Variants in SURF4 observed in about 807,000 individuals in gnomAD.
SURF4 encodes surfeit 4, also known as surfeit locus protein 4.
In SURF4, 3 loss-of-function variants were observed where a neutral mutation model predicts 30.0. That is an observed-to-expected ratio of 0.10 (90% CI 0.05 to 0.26). The LOEUF (loss-of-function observed/expected upper bound fraction) is 0.26, where lower values mean the gene tolerates loss of function less well. Among genes scored for constraint, SURF4 ranks in the 10% least tolerant of loss-of-function variants. The pLI is 1.00. For synonymous variants in SURF4, 143 were observed against 139.9 expected (o/e 1.02, Z -0.16); for missense variants, 217 against 350.8 (o/e 0.62, Z 3.05).
rs71824689 is a variant in SURF4 at position 133,373,909 on chromosome 9, C to CAAAAAAAAAAAAAAAAAAA, written c.48+1994_48+2012dup. ...CTCCAGCCTGAGCGAAATTCTGTCT[C>CAAAAAAAAAAAAAAAAAAA]AAAAAAAAAAAAAAAAAAAAAAAAA... On this transcript the variant is annotated intron_variant, in intron 1 of 5. Transcript: ENST00000371989. 8.8e-4 allele frequency among the ~76,000 whole-genome samples: 42 copies of CAAAAAAAAAAAAAAAAAAA among 47,542 alleles called. 1 individual carries two copies. Among genetic ancestry groups the CAAAAAAAAAAAAAAAAAAA allele is most frequent in the Non-Finnish European group, 1.4e-3 (29 of 20,634 alleles). The allele number at this position is 47,542 out of a possible 152,430, so 31.2% of individuals were successfully genotyped here.
chr9:133,363,467 G>A lies in SURF4; in HGVS notation c.*26C>T, dbSNP rs1470497291. ...CAGTCCTTGACGGCCACGGGTCTTA[G>A]CCAGGCAGGTAGGGATCTGTGACTG... On this transcript the variant is annotated 3_prime_UTR_variant, in exon 6 of 6. Transcript: ENST00000371989. The surrounding 1 kb of genome is among the most constrained non-coding windows in gnomAD (Gnocchi z 4.3). The A allele has an allele frequency of 6.2e-7, 1 of 1,614,110 alleles. No homozygotes were observed. Among genetic ancestry groups the A allele is most frequent in the African/African-American group, 1.3e-5 (1 of 74,924 alleles).
chr9:133,365,149 C>T (rs1837090728), intron 4 of SURF4, 123 bp from the exon 5 acceptor site: 1 of 900,574 alleles, frequency 1.1e-6, no homozygotes, highest in African/African-American at 1.7e-5. Flanking sequence ...TCTCCAAACC[C>T]AGTGATCTGC....
intron 4 of SURF4, among the ~76,000 whole-genome samples, chr9:133,365,769 A>G (rs1216686255): frequency 6.6e-6 from 1 of 152,112 alleles, no homozygotes. Context: ...CTTAGGACCC[A>G]AAGTGTTTCA....
At chr9:133,375,863 G>C (rs1025793258) in intron 1 of SURF4, 59 bp downstream of exon 1, 2 of 1,212,386 alleles carry the variant, frequency 1.6e-6, no homozygotes, top group East Asian at 3.3e-5. Flanking sequence ...GCCGACTCCG[G>C]AGCGGCCCGG....
Position 133,363,250 on chromosome 9 carries a change from G to T in SURF4, c.*243C>A. 1.4e-6 allele frequency: 1 copy of T among 701,088 alleles called. No individual in the cohort carries two copies. The highest frequency in any genetic ancestry group is 2.5e-6 in the Non-Finnish European group (1 of 397,388). 43.4% of individuals were successfully genotyped at this position (701,088 alleles called of 1,614,324 possible). On this transcript the variant is annotated 3_prime_UTR_variant, in exon 6 of 6. Coordinates refer to ENST00000371989, the MANE Select transcript of SURF4 (RefSeq NM_033161.4). This position sits in a 1 kb window ranked among gnomAD's most constrained non-coding sequence, Gnocchi z 4.3. ...TGTTCACTCCAAAGCCTCGGCGTGGGGGAGGCTTCCAGCTGCCAGGCTGGC... is the reference window on the plus strand; with the variant it reads ...TGTTCACTCCAAAGCCTCGGCGTGGTGGAGGCTTCCAGCTGCCAGGCTGGC...
chr9:133,364,927 G>A lies in SURF4; in HGVS notation c.456C>T (p.Ser152=), dbSNP rs2130111357. 1 of 1,613,918 alleles carries A rather than the reference G, an allele frequency of 6.2e-7. No individual in the cohort carries two copies. The highest frequency in any genetic ancestry group is 8.5e-7 in the Non-Finnish European group (1 of 1,179,946). The change falls in exon 5 of 6, where the codon TCC becomes TCT. Residue 152 remains serine (S), a synonymous_variant. Transcript: ENST00000371989. ...CTCCGAGCTGCATGTACTGTTTGGG[G>A]GAGCTCTCACGCATGGTGGGGACGC... ...FAGVPTMRES[S]PKQYMQLGGR... is the part of the protein sequence containing the mutation.
chr9:133,367,119 G>C, intron 2 of SURF4, 140 bp downstream of exon 2: 1 of 1,158,230 alleles, frequency 8.6e-7, no homozygotes, highest in Non-Finnish European at 1.2e-6. Flanking sequence ...TCCTGGCCTG[G>C]CACAGCTGAG....
chr9:133,371,992 T>C (rs141494205), intron 1 of SURF4, among the ~76,000 whole-genome samples: 247 of 152,388 alleles, frequency 1.6e-3, no homozygotes, highest in Non-Finnish European at 2.8e-3. Flanking sequence ...TAAGTGCTAA[T>C]ATTGCTGTTT....
intron 1 of SURF4, among the ~76,000 whole-genome samples, chr9:133,367,890 A>G (rs2130150980): frequency 6.6e-6 from 1 of 152,296 alleles, no homozygotes; most frequent in East Asian, 1.9e-4. Flanking sequence ...CATCTATCCA[A>G]CGTTTCTGCA....
upstream of SURF4, among the ~76,000 whole-genome samples, chr9:133,377,297 TTTTACTG>T (rs1838002747): frequency 6.6e-6 from 1 of 152,162 alleles, no homozygotes; most frequent in African/African-American, 2.4e-5. Context: ...TACGGCTCCA[TTTTACTG>T]TTTAATTTGC....
chr9:133,376,473 C>CA, upstream of SURF4: 2 of 1,585,720 alleles, frequency 1.3e-6, no homozygotes, highest in South Asian at 2.3e-5. Flanking sequence ...CGCTACTGAT[C>CA]ATGCTTGGGC....
rs189190781 is a variant in SURF4 at position 133,369,755 on chromosome 9, G to A, written c.49-2310C>T. Reference sequence around the variant, plus strand: ...GAGAAAGCACACCACCGTGGCACACGATGTGCCACTGCTCTCAAGGAATGG... The same window carrying A: ...GAGAAAGCACACCACCGTGGCACACAATGTGCCACTGCTCTCAAGGAATGG... On this transcript the variant is annotated intron_variant, in intron 1 of 5. Transcript: ENST00000371989. Among the ~76,000 whole-genome samples the A allele has an allele frequency of 9.2e-5, 14 of 152,338 alleles. No individual in the cohort carries two copies. In the East Asian group the frequency reaches 1.7e-3, roughly 19 times the overall value.
At chr9:133,374,984 G>A (rs935555454) in intron 1 of SURF4, among the ~76,000 whole-genome samples, 1 of 152,198 alleles carries the variant, frequency 6.6e-6, no homozygotes, top group Admixed American at 6.5e-5. Context: ...GCCACACAAG[G>A]CTCTCCCTGC....
chr9:133,374,913 T>G (rs1837779474), intron 1 of SURF4, among the ~76,000 whole-genome samples: 1 of 152,118 alleles, frequency 6.6e-6, no homozygotes, highest in Admixed American at 6.6e-5. Context: ...CCATCACTAC[T>G]TAAAACTCTA....
At chr9:133,364,624 G>A (rs1220036974) in intron 5 of SURF4, among the ~76,000 whole-genome samples, 10 of 151,802 alleles carry the variant, frequency 6.6e-5, no homozygotes, top group East Asian at 3.9e-4. Context: ...CCCGGGAGGC[G>A]GAACTTGCGG....
chr9:133,363,302 T>C lies in SURF4; in HGVS notation c.*191A>G. 1.0e-6 allele frequency: 1 copy of C among 988,186 alleles called. No homozygotes were observed. The highest frequency in any genetic ancestry group is 1.6e-6 in the Non-Finnish European group (1 of 635,162). 61.2% of individuals were successfully genotyped at this position (988,186 alleles called of 1,614,324 possible). ...TGCACTGAAGGGTCAGACGCCAGACTGTGGCTCCAGAGCAGACTGAGCCAT... is the reference window on the plus strand; with the variant it reads ...TGCACTGAAGGGTCAGACGCCAGACCGTGGCTCCAGAGCAGACTGAGCCAT... On this transcript the variant is annotated 3_prime_UTR_variant, in exon 6 of 6. Coordinates refer to ENST00000371989, the MANE Select transcript of SURF4 (RefSeq NM_033161.4). The surrounding 1 kb of genome is among the most constrained non-coding windows in gnomAD (Gnocchi z 4.3).
intron 1 of SURF4, among the ~76,000 whole-genome samples, chr9:133,371,569 A>T (rs1031834550): frequency 2.0e-5 from 3 of 152,060 alleles, no homozygotes; most frequent in African/African-American, 7.2e-5. Flanking sequence ...GCTAACCACA[A>T]CCTCCTCTGC....
chr9:133,366,742 A>G (rs1837199883), intron 2 of SURF4, 67 bp from the exon 3 acceptor site: 30 of 1,455,484 alleles, frequency 2.1e-5, no homozygotes, highest in African/African-American at 4.2e-5. Flanking sequence ...GTCTTGATAC[A>G]CTGCTACCTC....
upstream of SURF4, chr9:133,376,391 C>T: frequency 6.9e-7 from 1 of 1,440,694 alleles, no homozygotes. Context: ...GCCGTTCGGG[C>T]GGGGAGGATC....
Sources: gnomAD v4.1 joint callset for allele counts (sites outside exome capture counted in the v4.1 genomes callset) on GRCh38, gnomAD v4.1.1 for gene constraint, Gnocchi (gnomAD v3.1) non-coding constraint, MANE v1.5 for transcripts, NCBI Gene and HGNC (gene_info 2026-07-23, HGNC 2026-07-21) for gene names.